CAP2: variants seen among roughly 807,000 people sequenced by gnomAD.
The protein encoded by CAP2 is cyclase associated actin cytoskeleton regulatory protein 2.
A neutral mutation model predicts 57.7 loss-of-function variants in CAP2; 24 were observed. The observed-to-expected ratio is 0.42, with a 90% CI of 0.30 to 0.58. CAP2 has a LOEUF of 0.58. Ranked by LOEUF, CAP2 falls within the 20% of genes least tolerant of loss-of-function variation. The pLI, the probability that CAP2 is intolerant of heterozygous loss-of-function variation, is 0.22. For synonymous variants in CAP2, 194 were observed against 207.2 expected (o/e 0.94, Z 0.55); for missense variants, 501 against 590.3 (o/e 0.85, Z 1.57).
intron 3 of CAP2, among the ~76,000 whole-genome samples, chr6:17,456,908 G>A (rs1428221124): frequency 2.0e-5 from 3 of 152,140 alleles, no homozygotes; most frequent in Non-Finnish European, 4.4e-5. Context: ...GCTTTGATGA[G>A]TATCCAGAAA....
intron 4 of CAP2, among the ~76,000 whole-genome samples, chr6:17,475,747 G>A (rs1324399943): frequency 6.6e-6 from 1 of 152,222 alleles, no homozygotes; most frequent in African/African-American, 2.4e-5. Flanking sequence ...CCTGTGCAGA[G>A]TTTTCATGTA....
intron 9 of CAP2, 59 bp from the exon 10 acceptor site, chr6:17,542,778 T>C: frequency 2.2e-6 from 3 of 1,347,076 alleles, no homozygotes; most frequent in South Asian, 1.2e-5. Flanking sequence ...AATTTCAGTG[T>C]GCAGTGGTTT....
chr6:17,442,763 G>T (rs968156150), intron 3 of CAP2, among the ~76,000 whole-genome samples: 9 of 151,292 alleles, frequency 5.9e-5, no homozygotes, highest in Non-Finnish European at 1.0e-4. Context: ...TTTCACCCAG[G>T]CTGGAGTGCA....
At chr6:17,428,507 G>A (rs1233733526) in intron 3 of CAP2, among the ~76,000 whole-genome samples, 1 of 151,846 alleles carries the variant, frequency 6.6e-6, no homozygotes, top group Non-Finnish European at 1.5e-5. Flanking sequence ...CAGAAAATCT[G>A]ATTCTTGAAT....
At chr6:17,436,049 G>A (rs143140746) in intron 3 of CAP2, among the ~76,000 whole-genome samples, 217 of 151,480 alleles carry the variant, frequency 1.4e-3, no homozygotes, top group African/African-American at 5.1e-3. Flanking sequence ...CTTAATCTTG[G>A]CATGGTTAAA....
chr6:17,527,375 A>G (rs1025146736), intron 7 of CAP2, among the ~76,000 whole-genome samples: 8 of 152,156 alleles, frequency 5.3e-5, no homozygotes, highest in South Asian at 2.1e-4. Flanking sequence ...AAGTTTTCCC[A>G]TGGAAAATTT....
At chr6:17,495,417 C>A (rs1182600768) in intron 4 of CAP2, among the ~76,000 whole-genome samples, 1 of 152,184 alleles carries the variant, frequency 6.6e-6, no homozygotes, top group Non-Finnish European at 1.5e-5. Context: ...AGCTTTACAT[C>A]TAAGAACTGA....
At chr6:17,437,102 T>G (rs901743358) in intron 3 of CAP2, among the ~76,000 whole-genome samples, 7 of 152,152 alleles carry the variant, frequency 4.6e-5, no homozygotes, top group Admixed American at 1.3e-4. Flanking sequence ...TGTGGTGAGT[T>G]GTATAATTAT....
chr6:17,467,422 G>A (rs1447831817), intron 4 of CAP2, among the ~76,000 whole-genome samples: 5 of 152,258 alleles, frequency 3.3e-5, no homozygotes, highest in East Asian at 1.9e-4. Context: ...GAAATGATTC[G>A]ATACAGGCAT....
intron 6 of CAP2, among the ~76,000 whole-genome samples, chr6:17,511,242 C>A (rs1374192301): frequency 6.6e-6 from 1 of 152,088 alleles, no homozygotes; most frequent in Non-Finnish European, 1.5e-5. Flanking sequence ...CCACACCATG[C>A]AACACCCATT....
At chr6:17,540,862 GT>G (rs1216915715) in intron 8 of CAP2, 110 bp from the exon 9 acceptor site, 1 of 976,556 alleles carries the variant, frequency 1.0e-6, no homozygotes, top group African/African-American at 1.6e-5. Context: ...TGTTTTGAAA[GT>G]GGCCTTACCA....
chr6:17,529,456 A>G (rs1313918047), intron 7 of CAP2, among the ~76,000 whole-genome samples: 2 of 152,012 alleles, frequency 1.3e-5, no homozygotes, highest in African/African-American at 2.4e-5. Flanking sequence ...CCTGGCTAAC[A>G]TGGTAAAACC....
intron 6 of CAP2, among the ~76,000 whole-genome samples, chr6:17,508,861 G>A (rs967039064): frequency 6.6e-6 from 1 of 151,548 alleles, no homozygotes; most frequent in Non-Finnish European, 1.5e-5. Context: ...GGGTTCAAGC[G>A]ATTCTCCTGC....
In CAP2 at chr6:17,461,992, C is replaced by CAAAAAAA. The variant is rs567675285; in HGVS notation, c.223-979_223-973dup. 3.3e-3 allele frequency among the ~76,000 whole-genome samples: 93 copies of CAAAAAAA among 27,858 alleles called. 10 individuals carry two copies. The highest frequency in any genetic ancestry group is 9.6e-3 in the Non-Finnish European group (63 of 6,534). The allele number at this position is 27,858 out of a possible 152,430, so 18.3% of individuals were successfully genotyped here. A position where few individuals can be genotyped will look rare whatever the true frequency, so the allele number is the denominator to read the frequency against. On this transcript the variant is annotated intron_variant, in intron 3 of 12. Transcript: ENST00000229922. ...TGGGCAACAGGGCGAGACTCCGTCTCAAAAAAAAAAAAAAAAAAAAAAAAA... is the reference window on the plus strand; with the variant it reads ...TGGGCAACAGGGCGAGACTCCGTCTCAAAAAAAAAAAAAAAAAAAAAAAAAAAAAAAA...
intron 4 of CAP2, among the ~76,000 whole-genome samples, chr6:17,491,241 G>A (rs1446059479): frequency 6.6e-6 from 1 of 151,894 alleles, no homozygotes; most frequent in African/African-American, 2.4e-5. Flanking sequence ...AGTCATGTAA[G>A]TAAATTGCCT....
chr6:17,516,420 A>G (rs1158408729), intron 7 of CAP2, among the ~76,000 whole-genome samples: 1 of 152,158 alleles, frequency 6.6e-6, no homozygotes, highest in Non-Finnish European at 1.5e-5. Flanking sequence ...ACTCCTTTCC[A>G]TTAGAAATTA....
intron 1 of CAP2, among the ~76,000 whole-genome samples, chr6:17,420,378 T>C (rs914022556): frequency 2.0e-5 from 3 of 152,248 alleles, no homozygotes; most frequent in African/African-American, 7.2e-5. Context: ...ATAATTATAA[T>C]TTAAAATAAT....
intron 4 of CAP2, among the ~76,000 whole-genome samples, chr6:17,472,972 C>G (rs559580255): frequency 1.0e-3 from 152 of 151,756 alleles, no homozygotes; most frequent in African/African-American, 3.5e-3. Context: ...TTTAGAAACC[C>G]AGGACTGTGG....
intron 3 of CAP2, among the ~76,000 whole-genome samples, chr6:17,462,563 C>T (rs184366104): frequency 6.6e-6 from 1 of 151,124 alleles, no homozygotes; most frequent in East Asian, 1.9e-4. Flanking sequence ...TCCTCCCTCC[C>T]AGCAGCCCCA....
Sources: gnomAD v4.1 joint callset for allele counts (sites outside exome capture counted in the v4.1 genomes callset) on GRCh38, gnomAD v4.1.1 for gene constraint, MANE v1.5 for transcripts, NCBI Gene and HGNC (gene_info 2026-07-23, HGNC 2026-07-21) for gene names.